Variants in LAMA4 observed in about 807,000 individuals in gnomAD.
LAMA4 encodes the protein laminin subunit alpha 4.
Under a neutral mutation model 207.1 loss-of-function variants are expected in LAMA4, and 127 were observed. The ratio of observed to expected loss-of-function variants is 0.61; its 90% CI spans 0.53 to 0.71. LAMA4 has a LOEUF of 0.71. LAMA4 is among the 30% of genes least tolerant of loss of function. The probability of loss-of-function intolerance (pLI) is 0.00; values close to 1 mark genes in which losing one functional copy is unlikely to be tolerated. For synonymous variants in LAMA4, 761 were observed against 816.0 expected, an observed-to-expected ratio of 0.93 and a Z score of 1.15; for missense variants, 2,093 against 2,246.5, an observed-to-expected ratio of 0.93 and a Z score of 1.38.
At chr6:112,211,282 A>G (rs149338362) in intron 3 of LAMA4, among the ~76,000 whole-genome samples, 2 of 152,226 alleles carry the variant, frequency 1.3e-5, no homozygotes, top group African/African-American at 4.8e-5. Context: ...CCTGAGCCTC[A>G]GTTTCTAGCA....
chr6:112,137,301 G>A (rs1044269082), intron 24 of LAMA4, among the ~76,000 whole-genome samples: 1 of 152,152 alleles, frequency 6.6e-6, no homozygotes, highest in Admixed American at 6.5e-5. Context: ...ATTCCTGGGA[G>A]TGTGGAAAGC....
intron 9 of LAMA4, chr6:112,179,946 A>G (rs1554344902): frequency 1.9e-6 from 1 of 532,558 alleles, no homozygotes; most frequent in South Asian, 1.4e-5. Flanking sequence ...GGCTTGTTCC[A>G]GTGCTTTCCA....
At chr6:112,112,691 A>C (rs1554322002) in intron 38 of LAMA4, among the ~76,000 whole-genome samples, 2 of 152,170 alleles carry the variant, frequency 1.3e-5, no homozygotes, top group African/African-American at 4.8e-5. Flanking sequence ...CGAGGGTCTC[A>C]AATATTTTTT....
chr6:112,170,323 G>A (rs559072897), intron 12 of LAMA4, among the ~76,000 whole-genome samples: 1 of 152,292 alleles, frequency 6.6e-6, no homozygotes, highest in Admixed American at 6.5e-5. Flanking sequence ...TACCAGGACC[G>A]GTCTGGGTTG....
Position 112,154,902 on chromosome 6 carries a change from T to C in LAMA4, c.2005A>G (p.Ser669Gly), listed in dbSNP as rs1554336525. The change falls in exon 16 of 39, where the codon AGT becomes GGT. Residue 669 changes from serine to glycine, a missense_variant. Physicochemically the swap from Ser to Gly is moderately conservative, Grantham distance 56. Around this residue, in one of 3 missense-constraint regions of LAMA4, gnomAD observed 1,704 missense variants for 1,788.4 expected, o/e 0.95. Coordinates refer to ENST00000230538, the MANE Select transcript of LAMA4 (RefSeq NM_001105206.3). ...DTQIIYHKDE[S>G]ENLLNQAREL... ...CTGGCTTGATTGAGGAGGTTCTCACTTTCATCTTTATGGTAAATGATTTGA... is the reference window on the plus strand; with the variant it reads ...CTGGCTTGATTGAGGAGGTTCTCACCTTCATCTTTATGGTAAATGATTTGA... 2 of 1,613,672 alleles carry C rather than the reference T, an allele frequency of 1.2e-6. No individual in the cohort carries two copies. Among genetic ancestry groups the C allele is most frequent in the South Asian group, 1.1e-5 (1 of 91,068 alleles).
chr6:112,214,853 C>T (rs1375089002), intron 3 of LAMA4, among the ~76,000 whole-genome samples: 3 of 152,170 alleles, frequency 2.0e-5, no homozygotes, highest in African/African-American at 7.2e-5. Context: ...CATGATTGCT[C>T]CCATTCTGAC....
chr6:112,172,190 C>T (rs1781755894), intron 12 of LAMA4: 1 of 219,908 alleles, frequency 4.5e-6, no homozygotes, highest in Non-Finnish European at 9.2e-6. Flanking sequence ...GGCAATTAGT[C>T]TCCTTATCCC....
In LAMA4 at chr6:112,137,843, G is replaced by A. The variant is rs542915616; in HGVS notation, c.3282+1277C>T. On this transcript the variant is annotated intron_variant, in intron 24 of 38. Coordinates refer to ENST00000230538, the MANE Select transcript of LAMA4 (RefSeq NM_001105206.3). ...ATTCTAAATTTGTTGAACTTTATTC[G>A]TGATGACAAATGTCTGACAGTAGTA... Among the ~76,000 whole-genome samples, 21 of 152,168 alleles carry A rather than the reference G, an allele frequency of 1.4e-4. No homozygotes were observed. The East Asian group carries it at 1.7e-3, about 13-fold the overall frequency.
At chr6:112,200,237 T>C in intron 5 of LAMA4, 1 of 495,368 alleles carries the variant, frequency 2.0e-6, no homozygotes, top group Non-Finnish European at 4.0e-6. Flanking sequence ...TGTCATGTGC[T>C]TTTCAAAAGA....
At position 112,232,968 on chromosome 6, in the gene LAMA4, C is replaced by A. The variant is rs755618901; in HGVS notation, c.196-16499G>T. Among the ~76,000 whole-genome samples the A allele has an allele frequency of 3.9e-5, 6 of 152,168 alleles. No homozygotes were observed. In the South Asian group the frequency reaches 8.3e-4, roughly 21 times the overall value. On this transcript the variant is annotated intron_variant, in intron 2 of 38. Transcript: ENST00000230538. ...GAAACAAAATACCATTCAGCAACAG[C>A]CCAGATTTAGAGATGGGACTTGTTC... is the stretch of plus-strand genomic sequence containing the variant.
intron 2 of LAMA4, among the ~76,000 whole-genome samples, chr6:112,228,163 G>C (rs752675947): frequency 2.2e-4 from 34 of 152,202 alleles, no homozygotes; most frequent in Non-Finnish European, 4.1e-4. Context: ...CATGACAAGA[G>C]TAACCCACAA....
chr6:112,175,322 C>A lies in LAMA4; in HGVS notation c.1348G>T (p.Ala450Ser). The A allele has an allele frequency of 6.2e-7, 1 of 1,614,048 alleles. No individual in the cohort carries two copies. Among genetic ancestry groups the A allele is most frequent in the Non-Finnish European group, 8.5e-7 (1 of 1,179,950 alleles). The change falls in exon 11 of 39, where the codon GCT becomes TCT. Residue 450 changes from alanine to serine, a missense_variant. Transcript: ENST00000230538. ...RELVDEEADE[A>S]YELLSQAESW... ...AGAGGAATACACCTACGTTCGTAAG[C>A]CTCATCTGCCTCCTCATCCACGAGC...
chr6:112,148,392 G>T, intron 17 of LAMA4, 56 bp from the exon 18 acceptor site: 1 of 1,567,154 alleles, frequency 6.4e-7, no homozygotes, highest in South Asian at 1.1e-5. Context: ...ATTTGTTGGG[G>T]AACATTAACA....
At chr6:112,163,639 G>C (rs1375432646) in intron 13 of LAMA4, among the ~76,000 whole-genome samples, 1 of 152,130 alleles carries the variant, frequency 6.6e-6, no homozygotes, top group Non-Finnish European at 1.5e-5. Context: ...CCGAGTATAG[G>C]GGACAGTGGG....
chr6:112,111,004 C>A (rs186048588), intron 38 of LAMA4, among the ~76,000 whole-genome samples: 3 of 152,226 alleles, frequency 2.0e-5, no homozygotes, highest in Admixed American at 6.5e-5. Context: ...AATGGTTAGA[C>A]CCATGGGTGG....
At chr6:112,202,673 A>C (rs1783826386) in intron 4 of LAMA4, among the ~76,000 whole-genome samples, 1 of 152,212 alleles carries the variant, frequency 6.6e-6, no homozygotes, top group African/African-American at 2.4e-5. Flanking sequence ...GAAAGGCAAC[A>C]CCCACAATTT....
intron 9 of LAMA4, chr6:112,178,865 T>G (rs6568721): frequency 0.66 from 100,429 of 152,738 alleles, 33,424 homozygotes; most frequent in East Asian, 0.83. Flanking sequence ...CATGTCTGCT[T>G]ATCATTTTGA....
intron 2 of LAMA4, among the ~76,000 whole-genome samples, chr6:112,224,472 C>T (rs529905085): frequency 3.9e-4 from 60 of 152,282 alleles, no homozygotes; most frequent in African/African-American, 1.3e-3. Flanking sequence ...TCTGGCTCTG[C>T]TTCCATTGCA....
intron 2 of LAMA4, chr6:112,216,691 CCTT>C: frequency 3.7e-6 from 2 of 539,238 alleles, no homozygotes; most frequent in Non-Finnish European, 6.7e-6. Context: ...CTTTTTCCCT[CCTT>C]TCACTTTTCA....
Sources: allele counts gnomAD v4.1 joint callset (sites outside exome capture counted in the v4.1 genomes callset), GRCh38; gene constraint gnomAD v4.1.1; regional missense constraint gnomAD v4.1.1; transcripts MANE v1.5; gene names NCBI Gene and HGNC (gene_info 2026-07-23, HGNC 2026-07-21).